Variants in DNASE1L3 observed in about 807,000 individuals in gnomAD.
DNASE1L3 encodes deoxyribonuclease 1L3, also known as deoxyribonuclease gamma.
Under a neutral mutation model 30.9 loss-of-function variants are expected in DNASE1L3, and 27 were observed. The ratio of observed to expected loss-of-function variants is 0.87; its 90% CI spans 0.64 to 1.20. The LOEUF (loss-of-function observed/expected upper bound fraction) is 1.20. Among genes scored for constraint, DNASE1L3 ranks in the 50% most tolerant of loss-of-function variants. The pLI is 0.00. For missense variants in DNASE1L3, 364 were observed against 378.2 expected, an observed-to-expected ratio of 0.96 and a Z score of 0.31; for synonymous variants, 135 against 138.0, an observed-to-expected ratio of 0.98 and a Z score of 0.15.
At chr3:58,198,122 G>A (rs934291979) in intron 5 of DNASE1L3, 144 bp from the exon 6 acceptor site, 23 of 916,954 alleles carry the variant, frequency 2.5e-5, no homozygotes, top group East Asian at 2.5e-4. Flanking sequence ...CCCTGCTCCC[G>A]CCCCGGCCAA....
intron 6 of DNASE1L3, among the ~76,000 whole-genome samples, chr3:58,196,379 C>T (rs1006095363): frequency 8.8e-5 from 13 of 147,078 alleles, no homozygotes; most frequent in Non-Finnish European, 2.0e-4. Context: ...CCTGTCTCTA[C>T]TAAAAATACA....
At chr3:58,196,528 G>C (rs957987662) in intron 6 of DNASE1L3, among the ~76,000 whole-genome samples, 1 of 145,682 alleles carries the variant, frequency 6.9e-6, no homozygotes, top group East Asian at 2.0e-4. Flanking sequence ...ACTCCAGCCT[G>C]GGCAACAGAG....
chr3:58,206,170 C>T (rs2097403788), intron 2 of DNASE1L3, among the ~76,000 whole-genome samples: 1 of 152,208 alleles, frequency 6.6e-6, no homozygotes, highest in Non-Finnish European at 1.5e-5. Flanking sequence ...GACCTTGCCC[C>T]TCACCTGCAC....
intron 2 of DNASE1L3, among the ~76,000 whole-genome samples, chr3:58,207,104 C>T (rs926322173): frequency 3.3e-5 from 5 of 152,144 alleles, no homozygotes; most frequent in Admixed American, 2.0e-4. Flanking sequence ...GGTGCAGCGG[C>T]TCACACCTGT....
In DNASE1L3 at chr3:58,210,748, C is replaced by T. The variant is rs1462521736; in HGVS notation, c.141+18G>A. 4 of 1,613,962 alleles carry T rather than the reference C, an allele frequency of 2.5e-6. No individual in the cohort carries two copies. The highest frequency in any genetic ancestry group is 3.3e-5 in the Admixed American group (2 of 60,014). Reference sequence around the variant, plus strand: ...TGTGAGGGGTGTCTGGGATCCTCCTCCCAGGAAAGGGGCTCACCTTCACAA... The same window carrying T: ...TGTGAGGGGTGTCTGGGATCCTCCTTCCAGGAAAGGGGCTCACCTTCACAA... On this transcript the variant is annotated intron_variant, in intron 1 of 7. Coordinates refer to ENST00000394549, the MANE Select transcript of DNASE1L3 (RefSeq NM_004944.4).
intron 1 of DNASE1L3, among the ~76,000 whole-genome samples, chr3:58,210,550 G>A (rs962764901): frequency 6.6e-6 from 1 of 152,216 alleles, no homozygotes; most frequent in Non-Finnish European, 1.5e-5. Flanking sequence ...GCCAACTCCT[G>A]TAGTCCCCCC....
rs1426883422 is a variant in DNASE1L3, at chr3:58,201,063, T to C, written c.480A>G (p.Thr160=). ...CCAACTCATCGATCTCCTTAACGGA[T>C]GTCTCTGGGGTGGTGTGCAGGGGGA... ...VIIPLHTTPE[T]SVKEIDELVE... Residue 160 remains threonine, a synonymous_variant, in exon 5 of 8, where the codon ACA becomes ACG. Coordinates refer to ENST00000394549, the MANE Select transcript of DNASE1L3 (RefSeq NM_004944.4). The C allele has an allele frequency of 1.9e-6, 3 of 1,613,500 alleles. No homozygotes were observed. The highest frequency in any genetic ancestry group is 2.5e-6 in the Non-Finnish European group (3 of 1,179,664).
In DNASE1L3 at chr3:58,205,366, G is replaced by A. The variant is rs1051156964; in HGVS notation, c.320+105C>T. ...CAGCAATTATTTTGATGAACACTGA[G>A]AATTGGTTAGAAATCAAAATTTGGT... On this transcript the variant is annotated intron_variant, in intron 3 of 7. Transcript: ENST00000394549. 8.0e-6 allele frequency: 8 copies of A among 995,516 alleles called. No individual in the cohort carries two copies. The Admixed American group carries it at 1.3e-4, about 16-fold the overall frequency. 61.7% of individuals were successfully genotyped at this position (995,516 alleles called of 1,614,324 possible). A position where few individuals can be genotyped will look rare whatever the true frequency, so the allele number is the denominator to read the frequency against.
chr3:58,206,957 C>T (rs1055956409), intron 2 of DNASE1L3, among the ~76,000 whole-genome samples: 4 of 152,184 alleles, frequency 2.6e-5, no homozygotes, highest in Non-Finnish European at 2.9e-5. Context: ...CCTACACATG[C>T]CTTCCCTATG....
At chr3:58,198,062 C>A in intron 5 of DNASE1L3, 84 bp from the exon 6 acceptor site, 1 of 1,443,992 alleles carries the variant, frequency 6.9e-7, no homozygotes, top group Non-Finnish European at 9.3e-7. Flanking sequence ...GACTCTGCGT[C>A]CCAGGCCCAG....
chr3:58,198,682 T>C (rs1445164464), intron 5 of DNASE1L3, among the ~76,000 whole-genome samples: 1 of 152,162 alleles, frequency 6.6e-6, no homozygotes, highest in African/African-American at 2.4e-5. Flanking sequence ...TTTCAGTGAA[T>C]CTATTCCCTC....
In DNASE1L3 at chr3:58,205,457, T is replaced by A; in HGVS notation, c.320+14A>T. The A allele has an allele frequency of 6.2e-7, 1 of 1,606,424 alleles. No individual in the cohort carries two copies. Among genetic ancestry groups the A allele is most frequent in the Non-Finnish European group, 8.5e-7 (1 of 1,173,024 alleles). ...ATTGGTGGCCATGTTCCAGGGAGCA[T>A]AGGTGATACTTACTTGTAGAGAAAG... On this transcript the variant is annotated intron_variant, in intron 3 of 7. Transcript: ENST00000394549.
intron 4 of DNASE1L3, among the ~76,000 whole-genome samples, chr3:58,202,317 GTTTTTTTTT>G (rs1171213238): frequency 4.1e-5 from 2 of 48,828 alleles, no homozygotes; most frequent in Non-Finnish European, 7.0e-5. Flanking sequence ...GGCTAGCTTT[GTTTTTTTTT>G]TTTTTTTTTT....
intron 2 of DNASE1L3, among the ~76,000 whole-genome samples, chr3:58,206,896 G>A (rs2097404317): frequency 6.6e-6 from 1 of 152,106 alleles, no homozygotes; most frequent in Non-Finnish European, 1.5e-5. Context: ...CTTACTATAA[G>A]GGAAGCCCTT....
rs1052916190 is a variant in DNASE1L3 at position 58,192,887 on chromosome 3, C to G, written c.802-84G>C. The G allele has an allele frequency of 1.3e-6, 2 of 1,569,578 alleles. No homozygotes were observed. Among genetic ancestry groups the G allele is most frequent in the Admixed American group, 3.8e-5 (2 of 52,542 alleles). On this transcript the variant is annotated intron_variant, in intron 7 of 7. Transcript: ENST00000394549. The surrounding 1 kb of genome is among the most constrained non-coding windows in gnomAD (Gnocchi z 4.8). ...ATTTTAGCGATGAGCAAATTTAGGA[C>G]CAGGGAGGGGAGAGGAAATGCCCGA... is the stretch of plus-strand genomic sequence containing the variant.
rs546028723 is a variant in DNASE1L3, at chr3:58,196,388, CA to C, written c.704+1432del. On this transcript the variant is annotated intron_variant, in intron 6 of 7. Transcript: ENST00000394549. ...TGAAACCCTGTCTCTACTAAAAATA[CA>C]AAAAAAAAAAAAAATTAGCCAGGCG... 8.7e-3 allele frequency among the ~76,000 whole-genome samples: 1,087 copies of C among 125,036 alleles called. 12 individuals carry two copies. The highest frequency in any genetic ancestry group is 0.033 in the Admixed American group (415 of 12,524). 82.0% of individuals were successfully genotyped at this position (125,036 alleles called of 152,430 possible). A position where few individuals can be genotyped will look rare whatever the true frequency, so the allele number is the denominator to read the frequency against.
chr3:58,203,850 G>T lies in DNASE1L3; in HGVS notation c.433+919C>A, dbSNP rs181561522. Among the ~76,000 whole-genome samples, 7 of 152,226 alleles carry T rather than the reference G, an allele frequency of 4.6e-5. No individual in the cohort carries two copies. The East Asian group carries it at 1.4e-3, about 29-fold the overall frequency. ...ATGAGCTCCTGAGGTGGTGGCCTGG[G>T]TTACAACCCTGGCCTGTCCATTTCA... On this transcript the variant is annotated intron_variant, in intron 4 of 7. Transcript: ENST00000394549.
Position 58,197,913 on chromosome 3 carries a change from G to A in DNASE1L3, c.612C>T (p.Asn204=). The A allele has an allele frequency of 6.2e-7, 1 of 1,614,178 alleles. No individual in the cohort carries two copies. The highest frequency in any genetic ancestry group is 8.5e-7 in the Non-Finnish European group (1 of 1,180,024). ...CSYVPKKAWK[N]IRLRTDPRFV... ...ACCTGGGGTCAGTCCTCAAGCGGAT[G>A]TTCTTCCAGGCCTTCTTGGGGACGT... Residue 204 remains asparagine (N), a synonymous_variant, in exon 6 of 8, where the codon AAC becomes AAT. Transcript: ENST00000394549. The surrounding 1 kb of genome is among the most constrained non-coding windows in gnomAD (Gnocchi z 5.3).
At chr3:58,209,927 A>T (rs2107383924) in intron 1 of DNASE1L3, among the ~76,000 whole-genome samples, 1 of 152,332 alleles carries the variant, frequency 6.6e-6, no homozygotes, top group Middle Eastern at 3.4e-3. Flanking sequence ...TCAAAAATTA[A>T]TTAACCTGTA....
Sources: allele counts gnomAD v4.1 joint callset (sites outside exome capture counted in the v4.1 genomes callset), GRCh38; gene constraint gnomAD v4.1.1; non-coding constraint Gnocchi (gnomAD v3.1); transcripts MANE v1.5; gene names NCBI Gene and HGNC (gene_info 2026-07-23, HGNC 2026-07-21).